Variants in KAT5 observed in about 807,000 individuals in gnomAD.
KAT5 encodes lysine acetyltransferase 5.
Under a neutral mutation model 68.1 loss-of-function variants are expected in KAT5, and 31 were observed. The ratio of observed to expected loss-of-function variants is 0.46; its 90% CI spans 0.34 to 0.61. KAT5 has a LOEUF of 0.61. Ranked by LOEUF, KAT5 falls within the 20% of genes least tolerant of loss-of-function variation. The pLI is 0.01. For synonymous variants in KAT5, 365 were observed against 292.6 expected (o/e 1.25, Z -2.52); for missense variants, 451 against 725.5 (o/e 0.62, Z 4.35).
Position 65,719,086 on chromosome 11 carries a change from G to C in KAT5, c.1546G>C (p.Gly516Arg). 3 of 1,614,178 alleles carry C rather than the reference G, an allele frequency of 1.9e-6. No homozygotes were observed. Among genetic ancestry groups the C allele is most frequent in the Non-Finnish European group, 2.5e-6 (3 of 1,180,030 alleles). ...CACACTGTCAGAGGACATCGTGGAT[G>C]GCCATGAGCGGGCCATGCTCAAGCG... ...ILTLSEDIVDGHERAMLKRLL... is the reference protein window; with the variant it reads ...ILTLSEDIVDRHERAMLKRLL... Residue 516 changes from glycine to arginine, a missense_variant, in exon 13 of 13, where the codon GGC (glycine) becomes CGC (arginine). By Grantham distance (125) the Gly-to-Arg change is moderately radical. This residue lies in a region of KAT5 where 210 missense variants were observed against 423.7 expected (regional missense o/e 0.50). Coordinates refer to ENST00000341318, the MANE Select transcript of KAT5 (RefSeq NM_182710.3).
In KAT5 at chr11:65,716,875, TC is replaced by T. The variant is rs1857214128; in HGVS notation, c.1171-9del. 6.2e-7 allele frequency: 1 copy of T among 1,613,026 alleles called. No individual in the cohort carries two copies. The highest frequency in any genetic ancestry group is 1.1e-5 in the South Asian group (1 of 91,056). On this transcript the variant is annotated splice_polypyrimidine_tract_variant and intron_variant, in intron 9 of 12. Transcript: ENST00000341318. ...AGATCCCTTCCCTGACACTCACCTG[TC>T]CCCCTTCTCCAGGAGAAAGAATCAA...
At position 65,712,262 on chromosome 11, in the gene KAT5, G is replaced by A. The variant is rs1289625345; in HGVS notation, c.-6G>A. ...GGGGCCGGAAGTGGCAGTGGAGGGA[G>A]GGAAGATGGCGGAGGTGGTGAGTCC... On this transcript the variant is annotated 5_prime_UTR_variant, in exon 1 of 13. Transcript: ENST00000341318. The A allele has an allele frequency of 2.8e-6, 4 of 1,414,374 alleles. No individual in the cohort carries two copies. The highest frequency in any genetic ancestry group is 1.5e-5 in the African/African-American group (1 of 66,880). 87.6% of individuals were successfully genotyped at this position (1,414,374 alleles called of 1,614,324 possible). A position where few individuals can be genotyped will look rare whatever the true frequency, so the allele number is the denominator to read the frequency against.
chr11:65,719,055 C>T lies in KAT5; in HGVS notation c.1515C>T (p.Tyr505=). Residue 505 remains tyrosine (Y), a synonymous_variant, in exon 13 of 13, where the codon TAC becomes TAT. Transcript: ENST00000341318. ...CCATCTCCTCTGCCCAGGGCCAGTA[C>T]ATCCTCACACTGTCAGAGGACATCG... ...LNLINYYKGQ[Y]ILTLSEDIVD... 1 of 1,614,164 alleles carries T rather than the reference C, an allele frequency of 6.2e-7. No individual in the cohort carries two copies. The highest frequency in any genetic ancestry group is 1.7e-5 in the Admixed American group (1 of 60,018).
chr11:65,712,178 G>A, upstream of KAT5: 3 of 1,304,460 alleles, frequency 2.3e-6, no homozygotes, highest in Non-Finnish European at 3.0e-6. Context: ...CCCCTCTACA[G>A]GGGCTTCGTG....
At chr11:65,716,622 T>C in intron 8 of KAT5, 45 bp from the exon 9 acceptor site, 6 of 1,597,572 alleles carry the variant, frequency 3.8e-6, no homozygotes, top group Non-Finnish European at 5.1e-6. Flanking sequence ...CTGGCCAGGC[T>C]CAAGGCGGGA....
Position 65,714,763 on chromosome 11 carries a change from G to C in KAT5, c.939+20G>C, listed in dbSNP as rs758116069. The C allele has an allele frequency of 1.2e-6, 2 of 1,614,160 alleles. No homozygotes were observed. Among genetic ancestry groups the C allele is most frequent in the East Asian group, 2.2e-5 (1 of 44,878 alleles). On this transcript the variant is annotated intron_variant, in intron 7 of 12. Transcript: ENST00000341318. ...CATTTGGTATGAGGGGTCCAGGGAG[G>C]CTGCCTTCCCAGCACCCTCCACGTT...
chr11:65,716,352 A>T (rs1391506577), intron 8 of KAT5: 5 of 319,232 alleles, frequency 1.6e-5, no homozygotes, highest in Admixed American at 4.4e-5. Flanking sequence ...TGCTGTTAAA[A>T]AACATTAAAA....
Position 65,716,816 on chromosome 11 carries a change from C to G in KAT5, c.1170+9C>G. The G allele has an allele frequency of 6.2e-7, 1 of 1,614,166 alleles. No homozygotes were observed. The highest frequency in any genetic ancestry group is 8.5e-7 in the Non-Finnish European group (1 of 1,180,004). On this transcript the variant is annotated intron_variant, in intron 9 of 12. Transcript: ENST00000341318. ...TGGGCTACTTCTCCAAGGTCAGTGC[C>G]TGCCCAAGCTGTCCCTGTGCCCTGT...
At chr11:65,717,375 T>C (rs1266349081) in intron 10 of KAT5, 2 of 291,702 alleles carry the variant, frequency 6.9e-6, no homozygotes, top group East Asian at 1.6e-4. Context: ...CCCTGAGCCT[T>C]GCAGGCAGGT....
chr11:65,714,424 A>G (rs1303635315), intron 6 of KAT5, 71 bp from the exon 7 acceptor site: 1 of 1,555,614 alleles, frequency 6.4e-7, no homozygotes, highest in African/African-American at 1.4e-5. Flanking sequence ...AAACCTGTCA[A>G]AGGGCTGTGA....
Position 65,719,080 on chromosome 11 carries a change from G to A in KAT5, c.1540G>A (p.Val514Met), listed in dbSNP as rs760107601. The change falls in exon 13 of 13, where the codon GTG (valine) becomes ATG (methionine). Residue 514 changes from valine to methionine, a missense_variant. Val to Met is a conservative substitution (Grantham distance 21). Coordinates refer to ENST00000341318, the MANE Select transcript of KAT5 (RefSeq NM_182710.3). ...QYILTLSEDI[V>M]DGHERAMLKR... ...CATCCTCACACTGTCAGAGGACATC[G>A]TGGATGGCCATGAGCGGGCCATGCT... is the stretch of plus-strand genomic sequence containing the variant. 7.4e-6 allele frequency: 12 copies of A among 1,614,056 alleles called. No homozygotes were observed. The highest frequency in any genetic ancestry group is 2.2e-5 in the East Asian group (1 of 44,894).
At chr11:65,718,794 C>G in intron 11 of KAT5, 45 bp downstream of exon 11, 1 of 1,613,936 alleles carries the variant, frequency 6.2e-7, no homozygotes, top group Non-Finnish European at 8.5e-7. Context: ...CATGGCTTGT[C>G]TGTTCCTGGG....
In KAT5 at chr11:65,719,463, G is replaced by T; in HGVS notation, c.*282G>T. ...TGTACAGTGAGAAGGGATCCGGATG[G>T]GGGAGCTCTGTACAGAGGGCTGGTG... On this transcript the variant is annotated 3_prime_UTR_variant, in exon 13 of 13. Transcript: ENST00000341318. 1.7e-6 allele frequency: 1 copy of T among 603,972 alleles called. No individual in the cohort carries two copies. Among genetic ancestry groups the T allele is most frequent in the Admixed American group, 2.9e-5 (1 of 33,962 alleles). 37.4% of individuals were successfully genotyped at this position (603,972 alleles called of 1,614,324 possible). A position where few individuals can be genotyped will look rare whatever the true frequency, so the allele number is the denominator to read the frequency against.
chr11:65,719,595 C>A lies in KAT5; in HGVS notation c.*414C>A. ...TATTGCCCCCGGCAATAAATTGTTT[C>A]TATATGCCAGAGCCATGCAAAGTTC... On this transcript the variant is annotated 3_prime_UTR_variant, in exon 13 of 13. Transcript: ENST00000341318. The A allele has an allele frequency of 2.9e-6, 2 of 699,312 alleles. No individual in the cohort carries two copies. Among genetic ancestry groups the A allele is most frequent in the Non-Finnish European group, 5.0e-6 (2 of 396,344 alleles). 43.3% of individuals were successfully genotyped at this position (699,312 alleles called of 1,614,324 possible).
intron 3 of KAT5, 78 bp from the exon 4 acceptor site, chr11:65,713,270 G>A: frequency 1.4e-6 from 2 of 1,476,238 alleles, no homozygotes; most frequent in East Asian, 2.3e-5. Context: ...ATAATTTTGA[G>A]GTGAGGGACC....
Position 65,714,074 on chromosome 11 carries a change from G to A in KAT5, c.690+226G>A, listed in dbSNP as rs560586745. ...CTTTGGGAGTCCAACCAAGGCTGGTGGATCACCTGAGGTCAGGAGTTTGAG... is the reference window on the plus strand; with the variant it reads ...CTTTGGGAGTCCAACCAAGGCTGGTAGATCACCTGAGGTCAGGAGTTTGAG... On this transcript the variant is annotated intron_variant, in intron 6 of 12. Coordinates refer to ENST00000341318, the MANE Select transcript of KAT5 (RefSeq NM_182710.3). The A allele has an allele frequency of 8.9e-5, 50 of 563,826 alleles. 1 individual carries two copies. Among genetic ancestry groups the A allele is most frequent in the South Asian group, 7.6e-4 (36 of 47,584 alleles). 34.9% of individuals were successfully genotyped at this position (563,826 alleles called of 1,614,324 possible).
chr11:65,714,722 C>G lies in KAT5; in HGVS notation c.918C>G (p.Leu306=). 2 of 1,614,236 alleles carry G rather than the reference C, an allele frequency of 1.2e-6. No homozygotes were observed. The highest frequency in any genetic ancestry group is 1.7e-6 in the Non-Finnish European group (2 of 1,180,046). ...TCTGCCTCAAGTACGGCCGTAGTCT[C>G]AAGTGTCTTCAGCGTCATTTGGTAT... ...CEFCLKYGRS[L]KCLQRHLTKC... The change falls in exon 7 of 13, where the codon CTC becomes CTG. Residue 306 remains leucine, a synonymous_variant. Transcript: ENST00000341318.
chr11:65,719,497 A>C lies in KAT5; in HGVS notation c.*316A>C, dbSNP rs1812616077. On this transcript the variant is annotated 3_prime_UTR_variant, in exon 13 of 13. Coordinates refer to ENST00000341318, the MANE Select transcript of KAT5 (RefSeq NM_182710.3). ...TGTACAGAGGGCTGGTGATTGTAAA[A>C]ATTTCTTTTGTAAAGTAGAAGTTGG... 1.6e-6 allele frequency: 1 copy of C among 609,830 alleles called. No homozygotes were observed. The highest frequency in any genetic ancestry group is 2.9e-5 in the Admixed American group (1 of 34,210). The allele number at this position is 609,830 out of a possible 1,614,324, so 37.8% of individuals were successfully genotyped here.
intron 8 of KAT5, 99 bp from the exon 9 acceptor site, chr11:65,716,568 G>A (rs1857202626): frequency 8.6e-7 from 1 of 1,164,752 alleles, no homozygotes. Flanking sequence ...CTAGCAGCCT[G>A]GGGCATAGCA....
Sources: gnomAD v4.1 joint callset for allele counts on GRCh38, gnomAD v4.1.1 for gene constraint, gnomAD v4.1.1 regional missense constraint, MANE v1.5 for transcripts, NCBI Gene and HGNC (gene_info 2026-07-23, HGNC 2026-07-21) for gene names.